The following RNF40 variants were observed in gnomAD, a reference collection of about 807,000 sequenced individuals.
RNF40 encodes the protein ring finger protein 40, also known as E3 ubiquitin-protein ligase BRE1B.
A neutral mutation model predicts 123.3 loss-of-function variants in RNF40; 39 were observed. The observed-to-expected ratio is 0.32, with a 90% CI of 0.24 to 0.41. RNF40 has a LOEUF of 0.41. Among genes scored for constraint, RNF40 ranks in the 10% least tolerant of loss-of-function variants. The pLI is 1.00. For synonymous variants in RNF40, 538 were observed against 526.0 expected (o/e 1.02, Z -0.31); for missense variants, 1,003 against 1,319.9 (o/e 0.76, Z 3.72).
chr16:30,764,116 CT>C, intron 4 of RNF40, 62 bp from the exon 5 acceptor site: 2 of 1,391,556 alleles, frequency 1.4e-6, no homozygotes, highest in Non-Finnish European at 2.0e-6. Context: ...CAGTCTGGAA[CT>C]TGGTACAGAG....
Position 30,765,183 on chromosome 16 carries a change from C to T in RNF40, c.774C>T (p.Tyr258=), listed in dbSNP as rs773215088. The change falls in exon 7 of 20, where the codon TAC becomes TAT. Residue 258 remains tyrosine (Y), a splice_region_variant and synonymous_variant. Coordinates refer to ENST00000324685, the MANE Select transcript of RNF40 (RefSeq NM_014771.4). The stretch of plus-strand genomic sequence containing the variant: ...ATCTGCTCCCTCATTGTTCCCAGTA[C>T]TCCGAGCTCCAGGATAAAGTGACAT... ...QEKHHRISLE[Y]SELQDKVTSA... is the part of the protein sequence containing the mutation. 1.5e-5 allele frequency: 25 copies of T among 1,614,042 alleles called. No homozygotes were observed. The highest frequency in any genetic ancestry group is 3.3e-4 in the Middle Eastern group (2 of 6,084).
rs756277333 is a variant in RNF40 at position 30,766,494 on chromosome 16, A to G, written c.1229A>G (p.Asp410Gly). Residue 410 changes from aspartate to glycine, a missense_variant, in exon 10 of 20, where the codon GAC (aspartate) becomes GGC (glycine). Physicochemically the swap from Asp to Gly is moderately conservative, Grantham distance 94 (BLOSUM62 -1). This residue lies in a region of RNF40 where 274 missense variants were observed against 356.9 expected (regional missense o/e 0.77). Transcript: ENST00000324685. The surrounding 1 kb of genome is among the most constrained non-coding windows in gnomAD (Gnocchi z 5.4). ...TCTCTGCAAGTGAAGACCCAGCTAG[A>G]CGAGGCTCGGGGCCTGCTGCTGGCC... ...NESLQVKTQL[D>G]EARGLLLATK... The G allele has an allele frequency of 6.2e-7, 1 of 1,613,644 alleles. No individual in the cohort carries two copies. The highest frequency in any genetic ancestry group is 1.1e-5 in the South Asian group (1 of 91,068).
At chr16:30,764,420 A>C (rs986384610) in intron 5 of RNF40, 35 bp downstream of exon 5, 2 of 1,561,198 alleles carry the variant, frequency 1.3e-6, no homozygotes, top group Admixed American at 3.5e-5. Context: ...AGGGGTGTCC[A>C]TCCCCACCTG....
At chr16:30,770,273 A>G (rs527500352) in intron 17 of RNF40, among the ~76,000 whole-genome samples, 88 of 151,362 alleles carry the variant, frequency 5.8e-4, no homozygotes, top group African/African-American at 2.0e-3. Context: ...ACGCCTGGCT[A>G]ATTTTTGTAT....
chr16:30,770,331 C>T (rs1473315701), intron 17 of RNF40, among the ~76,000 whole-genome samples: 1 of 151,674 alleles, frequency 6.6e-6, no homozygotes, highest in East Asian at 1.9e-4. Flanking sequence ...AGGCTGGTAT[C>T]GAACTCCTGA....
chr16:30,773,845 T>C (rs1287962732), intron 19 of RNF40, 93 bp from the exon 20 acceptor site: 1 of 1,274,180 alleles, frequency 7.8e-7, no homozygotes, highest in East Asian at 2.3e-5. Flanking sequence ...CAGTCTCCAG[T>C]GTGGTGGGCT....
Position 30,765,326 on chromosome 16 carries a change from A to T in RNF40, c.917A>T (p.Gln306Leu), listed in dbSNP as rs1196499888. 1 of 1,614,108 alleles carries T rather than the reference A, an allele frequency of 6.2e-7. No individual in the cohort carries two copies. Among genetic ancestry groups the T allele is most frequent in the Non-Finnish European group, 8.5e-7 (1 of 1,180,030 alleles). The part of the protein sequence containing the change: ...LNKHLAEALE[Q>L]LNSGYYVSGS... ...AAGCACCTGGCAGAGGCCTTAGAGC[A>T]GGTGGGGCAGGGGTGCTGGGGCAGG... The change falls in exon 7 of 20, where the codon CAG becomes CTG. Residue 306 changes from glutamine (Q) to leucine (L), a missense_variant and splice_region_variant. This residue lies in a region of RNF40 where 274 missense variants were observed against 356.9 expected (regional missense o/e 0.77). Coordinates refer to ENST00000324685, the MANE Select transcript of RNF40 (RefSeq NM_014771.4).
In RNF40 at chr16:30,770,119, A is replaced by ATGGATTTTTTTTTTTT. The variant is rs144255833; in HGVS notation, c.2586+520_2586+521insGGATTTTTTTTTTTTT. On this transcript the variant is annotated intron_variant, in intron 17 of 19. Transcript: ENST00000324685. ...TGTCCCTAGGGAAAAAAAACAAAAGATTTTTGAGTTGGAGTCTTGTTCTGT... is the reference window on the plus strand; with the variant it reads ...TGTCCCTAGGGAAAAAAAACAAAAGATGGATTTTTTTTTTTTTTTTTGAGTTGGAGTCTTGTTCTGT... 1.4e-4 allele frequency among the ~76,000 whole-genome samples: 14 copies of ATGGATTTTTTTTTTTT among 98,848 alleles called. 3 individuals carry two copies. The highest frequency in any genetic ancestry group is 2.2e-4 in the Non-Finnish European group (11 of 50,640). 64.8% of individuals were successfully genotyped at this position (98,848 alleles called of 152,430 possible).
rs544347673 is a variant in RNF40 at position 30,763,724 on chromosome 16, A to G, written c.442+165A>G. ...CAGTGCACAAAAACACAGGCTTTAG[A>G]CTCTGACTAACTTGGTTTATAGAGC... On this transcript the variant is annotated intron_variant, in intron 4 of 19. Transcript: ENST00000324685. Among the ~76,000 whole-genome samples the G allele has an allele frequency of 5.9e-5, 9 of 152,258 alleles. No individual in the cohort carries two copies. The East Asian group carries it at 1.7e-3, about 29-fold the overall frequency.
intron 19 of RNF40, 78 bp from the exon 20 acceptor site, chr16:30,773,860 C>G (rs1596765952): frequency 1.4e-6 from 2 of 1,479,160 alleles, no homozygotes; most frequent in South Asian, 2.5e-5. Context: ...TGGGCTTGGC[C>G]TGGACTCCTC....
At chr16:30,773,721 G>A (rs1191895526) in intron 19 of RNF40, 2 of 462,784 alleles carry the variant, frequency 4.3e-6, no homozygotes, top group East Asian at 6.5e-5. Context: ...TCACTGCCCA[G>A]TGATGAATCC....
chr16:30,763,786 A>G (rs2053957444), intron 4 of RNF40, among the ~76,000 whole-genome samples: 1 of 152,234 alleles, frequency 6.6e-6, no homozygotes, highest in African/African-American at 2.4e-5. Context: ...TCAAAACAGT[A>G]TTATGGTTGA....
intron 17 of RNF40, 89 bp downstream of exon 17, chr16:30,769,689 C>T (rs544216649): frequency 1.4e-6 from 2 of 1,400,570 alleles, no homozygotes; most frequent in East Asian, 2.5e-5. Context: ...ATGCAATAGC[C>T]TGAGGTGAAG....
chr16:30,763,531 C>T lies in RNF40; in HGVS notation c.414C>T (p.Leu138=), dbSNP rs2053942179. 6.2e-7 allele frequency: 1 copy of T among 1,614,010 alleles called. No homozygotes were observed. The highest frequency in any genetic ancestry group is 1.3e-5 in the African/African-American group (1 of 74,944). Residue 138 remains leucine (L), a synonymous_variant, in exon 4 of 20, where the codon CTC becomes CTT. Coordinates refer to ENST00000324685, the MANE Select transcript of RNF40 (RefSeq NM_014771.4). ...QEGPTCDGTP[L]PEPGTSELRD... ...GGCCAACATGTGATGGGACTCCTCT[C>T]CCAGAGCCGGGGACATCAGAGCTGA...
rs767878217 is a variant in RNF40 at position 30,762,499 on chromosome 16, G to A, written c.-47G>A. ...GGTGACGGAAGTACCGCCTCCTCCC[G>A]TTTGACGCCCCTCAGGGGACCCTGC... On this transcript the variant is annotated 5_prime_UTR_variant, in exon 2 of 20. Coordinates refer to ENST00000324685, the MANE Select transcript of RNF40 (RefSeq NM_014771.4). The A allele has an allele frequency of 2.6e-6, 4 of 1,539,180 alleles. No homozygotes were observed. In the Admixed American group the frequency reaches 8.8e-5, roughly 34 times the overall value.
chr16:30,765,325 C>T lies in RNF40; in HGVS notation c.916C>T (p.Gln306Ter). The T allele has an allele frequency of 6.2e-7, 1 of 1,614,192 alleles. No individual in the cohort carries two copies. The change falls in exon 7 of 20, where the codon CAG becomes TAG. Residue 306 changes from glutamine (Q) to a stop codon, truncating the protein, a stop_gained and splice_region_variant. Coordinates refer to ENST00000324685, the MANE Select transcript of RNF40 (RefSeq NM_014771.4). LOFTEE classifies it high-confidence loss of function. ...LNKHLAEALE[Q>*]LNSGYYVSGS... ...TAAGCACCTGGCAGAGGCCTTAGAG[C>T]AGGTGGGGCAGGGGTGCTGGGGCAG... is the stretch of plus-strand genomic sequence containing the variant.
rs72793383 is a variant in RNF40, at chr16:30,774,146, G to A, written c.*32G>A. The A allele has an allele frequency of 0.012, 18,954 of 1,583,848 alleles. 136 individuals are homozygous for A. Among genetic ancestry groups the A allele is most frequent in the Non-Finnish European group, 0.013 (15,412 of 1,162,356 alleles). On this transcript the variant is annotated 3_prime_UTR_variant, in exon 20 of 20. Transcript: ENST00000324685. Reference sequence around the variant, plus strand: ...AACTCAGGGGACTCTGGAACACCATGGACCCTGGGGGCTGTGCCCCCATCT... The same window carrying A: ...AACTCAGGGGACTCTGGAACACCATAGACCCTGGGGGCTGTGCCCCCATCT...
Position 30,766,681 on chromosome 16 carries a change from A to G in RNF40, c.1294-60A>G. 1.9e-6 allele frequency: 3 copies of G among 1,606,410 alleles called. No homozygotes were observed. Among genetic ancestry groups the G allele is most frequent in the African/African-American group, 1.3e-5 (1 of 74,892 alleles). On this transcript the variant is annotated intron_variant, in intron 10 of 19. Coordinates refer to ENST00000324685, the MANE Select transcript of RNF40 (RefSeq NM_014771.4). This position sits in a 1 kb window ranked among gnomAD's most constrained non-coding sequence, Gnocchi z 5.4. ...CCCTGGGGAATAGATTCTTCCTAAG[A>G]TACTGAGTCCTGAGGTGGGACCGAG... is the stretch of plus-strand genomic sequence containing the variant.
chr16:30,761,917 C>G (rs1392917519), upstream of RNF40: 5 of 670,540 alleles, frequency 7.5e-6, no homozygotes, highest in Non-Finnish European at 1.2e-5. Flanking sequence ...CTCCCTCCGT[C>G]TCAACGGCGA....
Sources: allele counts gnomAD v4.1 joint callset (sites outside exome capture counted in the v4.1 genomes callset), GRCh38; gene constraint gnomAD v4.1.1; regional missense constraint gnomAD v4.1.1; non-coding constraint Gnocchi (gnomAD v3.1); transcripts MANE v1.5; gene names NCBI Gene and HGNC (gene_info 2026-07-23, HGNC 2026-07-21).